Variants in ARHGAP22 observed in about 807,000 individuals in gnomAD.
The protein encoded by ARHGAP22 is rho GTPase-activating protein 22.
In ARHGAP22, 48 loss-of-function variants were observed where a neutral mutation model predicts 59.1. The observed-to-expected ratio is 0.81, with a 90% CI of 0.64 to 1.03. The LOEUF is 1.03. Among genes scored for constraint, ARHGAP22 ranks in the 50% least tolerant of loss-of-function variants. The probability of loss-of-function intolerance (pLI) is 0.00; values close to 1 mark genes in which losing one functional copy is unlikely to be tolerated. For synonymous variants in ARHGAP22, 445 were observed against 416.4 expected (o/e 1.07, Z -0.84); for missense variants, 1,015 against 958.7 (o/e 1.06, Z -0.78).
intron 1 of ARHGAP22, among the ~76,000 whole-genome samples, chr10:48,618,398 A>G (rs867951477): frequency 3.5e-4 from 54 of 152,138 alleles, no homozygotes; most frequent in Admixed American, 2.6e-3. Context: ...TAACAACAAC[A>G]AAACTACAGG....
intron 3 of ARHGAP22, among the ~76,000 whole-genome samples, chr10:48,548,857 C>T (rs1431833729): frequency 2.6e-5 from 4 of 152,242 alleles, no homozygotes; most frequent in Admixed American, 2.0e-4. Context: ...TGGGGCCTGG[C>T]TCCTTCATGC....
chr10:48,583,232 T>G, intron 1 of ARHGAP22, 80 bp from the exon 2 acceptor site: 1 of 1,514,510 alleles, frequency 6.6e-7, no homozygotes, highest in Non-Finnish European at 8.9e-7. Context: ...GTGTCCCAGC[T>G]GCCTCGTGAC....
intron 1 of ARHGAP22, among the ~76,000 whole-genome samples, chr10:48,644,335 G>A (rs916255847): frequency 9.2e-5 from 14 of 152,136 alleles, no homozygotes; most frequent in African/African-American, 3.1e-4. Context: ...AATTAGAGTT[G>A]GAGATTTCCA....
At chr10:48,511,181 C>T (rs1255828688) in intron 3 of ARHGAP22, among the ~76,000 whole-genome samples, 1 of 152,206 alleles carries the variant, frequency 6.6e-6, no homozygotes, top group Non-Finnish European at 1.5e-5. Flanking sequence ...TTGCCCTGGC[C>T]CTCATCAGGA....
chr10:48,655,055 TCCTTCC>T (rs2062740370), upstream of ARHGAP22, among the ~76,000 whole-genome samples: 2 of 59,372 alleles, frequency 3.4e-5, no homozygotes, highest in Non-Finnish European at 6.8e-5. Flanking sequence ...TCTTTCTTTC[TCCTTCC>T]TTCCCTCCTT....
intron 3 of ARHGAP22, among the ~76,000 whole-genome samples, chr10:48,523,714 G>A (rs1564815898): frequency 1.3e-5 from 2 of 152,008 alleles, no homozygotes; most frequent in Non-Finnish European, 2.9e-5. Context: ...TCCCGGCCGT[G>A]GACTTGGCGG....
chr10:48,460,766 C>T (rs1451404824), intron 4 of ARHGAP22, among the ~76,000 whole-genome samples: 2 of 152,112 alleles, frequency 1.3e-5, no homozygotes, highest in African/African-American at 4.8e-5. Context: ...GTGGTATTTG[C>T]ATACAGTAGA....
At chr10:48,547,463 T>A (rs372116980) in intron 3 of ARHGAP22, among the ~76,000 whole-genome samples, 3 of 152,184 alleles carry the variant, frequency 2.0e-5, no homozygotes, top group African/African-American at 7.2e-5. Context: ...TGGACCTCTG[T>A]GGGAGAGCAG....
chr10:48,629,356 T>G (rs1264979909), intron 1 of ARHGAP22, among the ~76,000 whole-genome samples: 1 of 152,250 alleles, frequency 6.6e-6, no homozygotes, highest in East Asian at 1.9e-4. Context: ...TCCATGGGTG[T>G]CAATCCCAAG....
At chr10:48,518,373 A>G (rs1463230586) in intron 3 of ARHGAP22, among the ~76,000 whole-genome samples, 2 of 152,218 alleles carry the variant, frequency 1.3e-5, no homozygotes, top group African/African-American at 4.8e-5. Context: ...TCACTTAGTG[A>G]GGGAACAGAT....
the ARHGAP22 span, among the ~76,000 whole-genome samples, chr10:48,440,260 C>T: frequency 3.9e-5 from 6 of 152,070 alleles, no homozygotes. Flanking sequence ...TTTCTTTGGA[C>T]TTCATTTGAA....
At chr10:48,649,166 C>T (rs1206695159) in intron 1 of ARHGAP22, among the ~76,000 whole-genome samples, 1 of 152,230 alleles carries the variant, frequency 6.6e-6, no homozygotes, top group Non-Finnish European at 1.5e-5. Flanking sequence ...ATGGCATCCA[C>T]CTACCATTCC....
In ARHGAP22 at chr10:48,446,690, C is replaced by T. The variant is rs979364471; in HGVS notation, c.1869-71G>A. 2.1e-6 allele frequency: 3 copies of T among 1,449,358 alleles called. No homozygotes were observed. The African/African-American group carries it at 4.2e-5, about 20-fold the overall frequency. 89.8% of individuals were successfully genotyped at this position (1,449,358 alleles called of 1,614,324 possible). On this transcript the variant is annotated intron_variant, in intron 9 of 9. Transcript: ENST00000249601. ...TTCACTGTCCCATGGGTATACCATG[C>T]TTGTGCTCACTGTGGGTTGAGGGGT... is the stretch of plus-strand genomic sequence containing the variant.
At position 48,483,842 on chromosome 10, in the gene ARHGAP22, G is replaced by A. The variant is rs372338197; in HGVS notation, c.323-4078C>T. 4.3e-5 allele frequency among the ~76,000 whole-genome samples: 6 copies of A among 137,946 alleles called. No individual in the cohort carries two copies. In the East Asian group the frequency reaches 8.7e-4, roughly 20 times the overall value. 90.5% of individuals were successfully genotyped at this position (137,946 alleles called of 152,430 possible). The stretch of plus-strand genomic sequence containing the variant: ...CAACGGGTTGTCTCTTCACTCTGCC[G>A]ATTGTTTCCTTTGCTGTGCAGAAGA... On this transcript the variant is annotated intron_variant, in intron 3 of 9. Coordinates refer to ENST00000249601, the MANE Select transcript of ARHGAP22 (RefSeq NM_021226.4).
At chr10:48,496,146 T>C (rs962946792) in intron 3 of ARHGAP22, among the ~76,000 whole-genome samples, 4 of 152,152 alleles carry the variant, frequency 2.6e-5, no homozygotes, top group African/African-American at 9.7e-5. Context: ...GCCACTAGGC[T>C]TGGGGGGTAA....
At chr10:48,488,254 T>C (rs1172693370) in intron 3 of ARHGAP22, among the ~76,000 whole-genome samples, 1 of 152,234 alleles carries the variant, frequency 6.6e-6, no homozygotes, top group Non-Finnish European at 1.5e-5. Flanking sequence ...AAAATAACTT[T>C]CATGTGTCTA....
At chr10:48,651,436 A>C (rs565164133) in intron 1 of ARHGAP22, among the ~76,000 whole-genome samples, 8 of 151,216 alleles carry the variant, frequency 5.3e-5, no homozygotes, top group African/African-American at 1.9e-4. Flanking sequence ...CAGCACCTGC[A>C]CAATCCACCC....
intron 5 of ARHGAP22, among the ~76,000 whole-genome samples, chr10:48,457,580 G>T (rs373709285): frequency 6.6e-6 from 1 of 152,146 alleles, no homozygotes; most frequent in Non-Finnish European, 1.5e-5. Flanking sequence ...CCTAGGCTCC[G>T]GCCCACAGGA....
At chr10:48,589,493 T>G (rs1438835983) in intron 1 of ARHGAP22, among the ~76,000 whole-genome samples, 2 of 152,130 alleles carry the variant, frequency 1.3e-5, no homozygotes, top group Non-Finnish European at 2.9e-5. Context: ...TGCAGGACAC[T>G]CCAGAGAAAT....
Sources: allele counts gnomAD v4.1 joint callset (sites outside exome capture counted in the v4.1 genomes callset), GRCh38; gene constraint gnomAD v4.1.1; transcripts MANE v1.5; gene names NCBI Gene and HGNC (gene_info 2026-07-23, HGNC 2026-07-21).